The following PLAG1 variants were observed in gnomAD, a reference collection of about 807,000 sequenced individuals.
The protein encoded by PLAG1 is PLAG1 zinc finger.
In PLAG1, 7 loss-of-function variants were observed where a neutral mutation model predicts 35.5. The ratio of observed to expected loss-of-function variants is 0.20; its 90% CI spans 0.11 to 0.37. The LOEUF (loss-of-function observed/expected upper bound fraction) is 0.37, where lower values mean the gene tolerates loss of function less well. PLAG1 is among the 10% of genes least tolerant of loss of function. PLAG1 has a pLI of 1.00. For missense variants in PLAG1, 454 were observed against 602.8 expected, an observed-to-expected ratio of 0.75 and a Z score of 2.58; for synonymous variants, 229 against 225.4, an observed-to-expected ratio of 1.02 and a Z score of -0.14.
At chr8:56,182,223 G>A (rs1811891570) in intron 1 of PLAG1, among the ~76,000 whole-genome samples, 1 of 152,150 alleles carries the variant, frequency 6.6e-6, no homozygotes, top group Non-Finnish European at 1.5e-5. Flanking sequence ...GATATGTGTT[G>A]GAGTTATCCA....
intron 1 of PLAG1, among the ~76,000 whole-genome samples, chr8:56,196,599 G>A (rs1488853839): frequency 1.3e-5 from 2 of 152,122 alleles, no homozygotes; most frequent in East Asian, 1.9e-4. Flanking sequence ...GGGTGGCACC[G>A]CGAGCGTTTC....
At position 56,163,210 on chromosome 8, in the gene PLAG1, CTTTTTTTTT is replaced by C. The variant is rs34779318; in HGVS notation, c.*3024_*3032del. 22 of 97,234 alleles carry C rather than the reference CTTTTTTTTT, an allele frequency of 2.3e-4. No individual in the cohort carries two copies. Among genetic ancestry groups the C allele is most frequent in the Middle Eastern group, 5.7e-3 (1 of 174 alleles). 6.0% of individuals were successfully genotyped at this position (97,234 alleles called of 1,614,324 possible). ...AACTACTTTTATTTAATGTTAATCC[CTTTTTTTTT>C]TTTTTTTTTTTTTTTTTAACCAAGC... On this transcript the variant is annotated 3_prime_UTR_variant, in exon 5 of 5. Coordinates refer to ENST00000316981, the MANE Select transcript of PLAG1 (RefSeq NM_002655.3).
intron 1 of PLAG1, among the ~76,000 whole-genome samples, chr8:56,206,246 C>G (rs1403603329): frequency 1.5e-4 from 23 of 151,960 alleles, no homozygotes; most frequent in Admixed American, 1.5e-3. Context: ...AACCTCTGGA[C>G]AGCAGACTAA....
rs1474359333 is a variant in PLAG1 at position 56,166,626 on chromosome 8, A to T, written c.1120T>A (p.Ser374Thr). The T allele has an allele frequency of 6.2e-7, 1 of 1,614,134 alleles. No homozygotes were observed. The highest frequency in any genetic ancestry group is 8.5e-7 in the Non-Finnish European group (1 of 1,179,998). Residue 374 changes from serine (S) to threonine (T), a missense_variant, in exon 5 of 5, where the codon TCT (serine) becomes ACT (threonine). Around this residue, in one of 4 missense-constraint regions of PLAG1, gnomAD observed 271 missense variants for 315.6 expected, o/e 0.86. Transcript: ENST00000316981. ...QGGVPSSSQD[S>T]QASSSSKLGL... ...AGCTTAGATGATGACGATGCTTGAG[A>T]ATCTTGGGATGAAGAGGGCACGCCA...
At position 56,164,793 on chromosome 8, in the gene PLAG1, CA is replaced by C. The variant is rs1811306610; in HGVS notation, c.*1449del. On this transcript the variant is annotated 3_prime_UTR_variant, in exon 5 of 5. Transcript: ENST00000316981. Reference sequence around the variant, plus strand: ...TTATTCAGTGAATATAATATATTCTCAATTGTTATTTTCATGTTAACCAAGA... The same window carrying C: ...TTATTCAGTGAATATAATATATTCTCATTGTTATTTTCATGTTAACCAAGA... 4.7e-6 allele frequency: 1 copy of C among 211,512 alleles called. No individual in the cohort carries two copies. The highest frequency in any genetic ancestry group is 2.3e-5 in the African/African-American group (1 of 44,100). The allele number at this position is 211,512 out of a possible 1,614,324, so 13.1% of individuals were successfully genotyped here.
At position 56,208,957 on chromosome 8, in the gene PLAG1, A is replaced by C. The variant is rs765971396; in HGVS notation, c.-322+2164T>G. On this transcript the variant is annotated intron_variant, in intron 1 of 4. Transcript: ENST00000316981. ...GGATGGACTTTAAAAATGGATGTGT[A>C]AACTTTTCCATGGTGTTGGTGTGTG... 5.3e-5 allele frequency among the ~76,000 whole-genome samples: 8 copies of C among 152,324 alleles called. No homozygotes were observed. The East Asian group carries it at 1.2e-3, about 22-fold the overall frequency.
Position 56,161,310 on chromosome 8 carries a change from GATT to G in PLAG1, c.*4930_*4932del, listed in dbSNP as rs1337900747. The G allele has an allele frequency of 9.5e-6, 2 of 209,758 alleles. No individual in the cohort carries two copies. Among genetic ancestry groups the G allele is most frequent in the Non-Finnish European group, 1.9e-5 (2 of 103,036 alleles). The allele number at this position is 209,758 out of a possible 1,614,324, so 13.0% of individuals were successfully genotyped here. ...TATACAAAATTCGGCCTGGAATGCA[GATT>G]TTTTTCTTTTCTATTTTGACTCAAA... is the stretch of plus-strand genomic sequence containing the variant. On this transcript the variant is annotated 3_prime_UTR_variant, in exon 5 of 5. Coordinates refer to ENST00000316981, the MANE Select transcript of PLAG1 (RefSeq NM_002655.3).
intron 1 of PLAG1, among the ~76,000 whole-genome samples, chr8:56,200,284 G>A: frequency 6.6e-6 from 1 of 152,172 alleles, no homozygotes; most frequent in East Asian, 1.9e-4. Flanking sequence ...ACCCATGACG[G>A]AAGTTCCAAC....
intron 1 of PLAG1, among the ~76,000 whole-genome samples, chr8:56,188,057 A>G (rs530254043): frequency 1.3e-5 from 2 of 152,358 alleles, no homozygotes; most frequent in Admixed American, 6.5e-5. Context: ...TATAATAGCT[A>G]AAAATCAGAG....
At chr8:56,174,544 G>A (rs1158464367) in intron 2 of PLAG1, among the ~76,000 whole-genome samples, 1 of 152,192 alleles carries the variant, frequency 6.6e-6, no homozygotes, top group Non-Finnish European at 1.5e-5. Flanking sequence ...CAGAGAGGTT[G>A]TGCCAGTTTT....
chr8:56,182,016 G>T (rs1268096126), intron 1 of PLAG1, among the ~76,000 whole-genome samples: 3 of 152,234 alleles, frequency 2.0e-5, no homozygotes, highest in Non-Finnish European at 4.4e-5. Flanking sequence ...TAGATTCTAA[G>T]ATGACCTTCT....
chr8:56,200,969 C>T (rs530958003), intron 1 of PLAG1, among the ~76,000 whole-genome samples: 19 of 152,212 alleles, frequency 1.2e-4, no homozygotes, highest in Admixed American at 6.5e-4. Flanking sequence ...CCACATTTCC[C>T]GTGACAATCA....
At chr8:56,188,338 T>C (rs1812083968) in intron 1 of PLAG1, among the ~76,000 whole-genome samples, 1 of 152,238 alleles carries the variant, frequency 6.6e-6, no homozygotes, top group South Asian at 2.1e-4. Flanking sequence ...CTAAGATTCA[T>C]ACCGCAAAGG....
intron 1 of PLAG1, among the ~76,000 whole-genome samples, chr8:56,207,981 C>T (rs1000371259): frequency 3.9e-5 from 6 of 152,076 alleles, no homozygotes; most frequent in African/African-American, 1.2e-4. Flanking sequence ...AATCACAATA[C>T]CAGCACTTTT....
intron 1 of PLAG1, among the ~76,000 whole-genome samples, chr8:56,196,985 T>TGTGC (rs1812394864): frequency 1.3e-5 from 2 of 150,298 alleles, no homozygotes; most frequent in Non-Finnish European, 3.0e-5. Context: ...TGTGTGTGTG[T>TGTGC]GTGCTCCTCT....
Position 56,168,197 on chromosome 8 carries a change from G to T in PLAG1, c.73C>A (p.Arg25Ser). The change falls in exon 4 of 5, where the codon CGT becomes AGT. Residue 25 changes from arginine to serine, a missense_variant. Arg to Ser is a moderately radical substitution (Grantham distance 110). Transcript: ENST00000316981. The part of the protein sequence containing the change: ...TQKVPSGKRK[R>S]GETKPRKNFP... Reference sequence around the variant, plus strand: ...TTTTTTCTTGGTTTGGTTTCACCACGCTTACGTTTCCCTGAAGGGACTTTC... The same window carrying T: ...TTTTTTCTTGGTTTGGTTTCACCACTCTTACGTTTCCCTGAAGGGACTTTC... 1.2e-6 allele frequency: 2 copies of T among 1,613,772 alleles called. No individual in the cohort carries two copies. Among genetic ancestry groups the T allele is most frequent in the Non-Finnish European group, 1.7e-6 (2 of 1,179,806 alleles).
intron 1 of PLAG1, among the ~76,000 whole-genome samples, chr8:56,204,123 G>A (rs998002523): frequency 1.3e-5 from 2 of 151,914 alleles, no homozygotes; most frequent in Admixed American, 1.3e-4. Context: ...TCAATGGAAT[G>A]CAGTGCTTAA....
chr8:56,189,945 C>A (rs1812135473), intron 1 of PLAG1, among the ~76,000 whole-genome samples: 1 of 152,138 alleles, frequency 6.6e-6, no homozygotes, highest in South Asian at 2.1e-4. Flanking sequence ...CGACTGAAGG[C>A]TGAGAGCCAC....
rs750826262 is a variant in PLAG1 at position 56,166,397 on chromosome 8, T to C, written c.1349A>G (p.His450Arg). ...LGMSYSQEEA[H>R]SSVSQLPPQT... ...TGGGGGGAGCTGGGAAACAGAAGAA[T>C]GTGCTTCTTCCTGGGAATAGCTCAT... Residue 450 changes from histidine to arginine, a missense_variant, in exon 5 of 5, where the codon CAT becomes CGT. His to Arg is a conservative substitution (Grantham distance 29, BLOSUM62 0). This residue lies in a region of PLAG1 where 271 missense variants were observed against 315.6 expected (regional missense o/e 0.86). Coordinates refer to ENST00000316981, the MANE Select transcript of PLAG1 (RefSeq NM_002655.3). 6.2e-7 allele frequency: 1 copy of C among 1,613,800 alleles called. No individual in the cohort carries two copies. The highest frequency in any genetic ancestry group is 1.7e-5 in the Admixed American group (1 of 60,000).
Sources: gnomAD v4.1 joint callset for allele counts (sites outside exome capture counted in the v4.1 genomes callset) on GRCh38, gnomAD v4.1.1 for gene constraint, gnomAD v4.1.1 regional missense constraint, MANE v1.5 for transcripts, NCBI Gene and HGNC (gene_info 2026-07-23, HGNC 2026-07-21) for gene names.